The following GALNT13 variants were observed in gnomAD, a reference collection of about 807,000 sequenced individuals.
GALNT13 encodes UDP-GalNAc:polypeptide N-acetylgalactosaminyltransferase 13.
A neutral mutation model predicts 64.2 loss-of-function variants in GALNT13; 28 were observed. The ratio of observed to expected loss-of-function variants is 0.44; its 90% CI spans 0.32 to 0.60. GALNT13 has a LOEUF of 0.60. Among genes scored for constraint, GALNT13 ranks in the 20% least tolerant of loss-of-function variants. The pLI is 0.05. For synonymous variants in GALNT13, 214 were observed against 224.6 expected, an observed-to-expected ratio of 0.95 and a Z score of 0.42; for missense variants, 577 against 669.8, an observed-to-expected ratio of 0.86 and a Z score of 1.53.
the GALNT13 span, among the ~76,000 whole-genome samples, chr2:153,248,735 G>A: frequency 6.8e-6 from 1 of 146,158 alleles, no homozygotes; most frequent in Non-Finnish European, 1.5e-5. Flanking sequence ...ATAATGGCGT[G>A]AACCCAGGAA....
chr2:153,726,232 A>G, the GALNT13 span, among the ~76,000 whole-genome samples: 2 of 152,188 alleles, frequency 1.3e-5, no homozygotes, highest in Non-Finnish European at 2.9e-5. Flanking sequence ...GTTATTCAAA[A>G]TTATAATTTG....
chr2:154,353,118 A>C (rs1477129630), intron 9 of GALNT13, among the ~76,000 whole-genome samples: 1 of 152,164 alleles, frequency 6.6e-6, no homozygotes, highest in East Asian at 1.9e-4. Context: ...AGCTTTTGTC[A>C]AGTGATTTGA....
the GALNT13 span, among the ~76,000 whole-genome samples, chr2:153,780,218 T>C: frequency 3.7e-4 from 1 of 2,672 alleles, no homozygotes; most frequent in East Asian, 1.8e-3. Flanking sequence ...TTTGAAGATA[T>C]ATATATATAT....
the GALNT13 span, among the ~76,000 whole-genome samples, chr2:153,242,595 A>T: frequency 6.6e-6 from 1 of 152,230 alleles, no homozygotes; most frequent in African/African-American, 2.4e-5. Flanking sequence ...TTTTTTAAAG[A>T]GAGCTCTATG....
chr2:153,666,563 GC>G, the GALNT13 span, among the ~76,000 whole-genome samples: 2 of 152,112 alleles, frequency 1.3e-5, no homozygotes, highest in African/African-American at 2.4e-5. Context: ...CTGAGCCTTG[GC>G]CCCCTGAAAT....
intron 3 of GALNT13, among the ~76,000 whole-genome samples, chr2:153,991,828 T>C: frequency 6.6e-6 from 1 of 152,044 alleles, no homozygotes; most frequent in East Asian, 1.9e-4. Context: ...AAGGGGGAAA[T>C]AATATTATCA....
At chr2:153,110,828 A>G in the GALNT13 span, among the ~76,000 whole-genome samples, 1 of 152,156 alleles carries the variant, frequency 6.6e-6, no homozygotes, top group East Asian at 1.9e-4. Context: ...CGGTGAGACT[A>G]TCACACACAC....
chr2:153,188,952 T>C, the GALNT13 span, among the ~76,000 whole-genome samples: 3 of 152,198 alleles, frequency 2.0e-5, no homozygotes, highest in Non-Finnish European at 4.4e-5. Context: ...CAAGCATTTA[T>C]CATTTCTATG....
chr2:154,274,508 G>T (rs1003573399), intron 8 of GALNT13, among the ~76,000 whole-genome samples: 1 of 152,044 alleles, frequency 6.6e-6, no homozygotes, highest in Non-Finnish European at 1.5e-5. Context: ...AAGGGATCCA[G>T]TGGGAAGTAG....
chr2:153,342,744 A>T, the GALNT13 span, among the ~76,000 whole-genome samples: 7 of 152,022 alleles, frequency 4.6e-5, no homozygotes, highest in African/African-American at 1.5e-4. Context: ...ACAGCATTAT[A>T]GATGTCTCAT....
intron 9 of GALNT13, among the ~76,000 whole-genome samples, chr2:154,325,450 C>T (rs1037359897): frequency 1.3e-5 from 2 of 152,052 alleles, no homozygotes; most frequent in African/African-American, 2.4e-5. Flanking sequence ...GAGGTGAGGC[C>T]TTGGAATGGC....
chr2:153,742,316 T>TG, the GALNT13 span, among the ~76,000 whole-genome samples: 1 of 151,682 alleles, frequency 6.6e-6, no homozygotes, highest in Admixed American at 6.6e-5. Context: ...AATTCGTAAA[T>TG]TTTTTTTTAT....
At position 154,450,505 on chromosome 2, in the gene GALNT13, G is replaced by T. The variant is rs777061705; in HGVS notation, c.1625G>T (p.Ser542Ile). ...CCTACAATGCAGGACTGTAGTGGAA[G>T]CAGATCCCAACAGTGGCTGCTAAGG... ...MVPTMQDCSG[S>I]RSQQWLLRNM... is the part of the protein sequence containing the mutation. Residue 542 changes from serine to isoleucine, a missense_variant, in exon 13 of 13, where the codon AGC (serine) becomes ATC (isoleucine). By Grantham distance (142) the Ser-to-Ile change is moderately radical. This residue lies in a region of GALNT13 where 232 missense variants were observed against 270.6 expected (regional missense o/e 0.86). Coordinates refer to ENST00000392825, the MANE Select transcript of GALNT13 (RefSeq NM_052917.4). 1 of 1,612,390 alleles carries T rather than the reference G, an allele frequency of 6.2e-7. No homozygotes were observed. The highest frequency in any genetic ancestry group is 1.7e-5 in the Admixed American group (1 of 59,696).
At chr2:153,531,822 G>A in the GALNT13 span, among the ~76,000 whole-genome samples, 1 of 152,178 alleles carries the variant, frequency 6.6e-6, no homozygotes. Flanking sequence ...CCCCATGCAA[G>A]TCCGAAACCC....
Position 154,450,527 on chromosome 2 carries a change from A to G in GALNT13, c.1647A>G (p.Leu549=). ...CSGSRSQQWL[L]RNMTLGT ...GAAGCAGATCCCAACAGTGGCTGCT[A>G]AGGAACATGACCTTGGGCACATGAA... Residue 549 remains leucine, a synonymous_variant, in exon 13 of 13, where the codon CTA becomes CTG. Coordinates refer to ENST00000392825, the MANE Select transcript of GALNT13 (RefSeq NM_052917.4). 3 of 1,611,108 alleles carry G rather than the reference A, an allele frequency of 1.9e-6. No homozygotes were observed. The highest frequency in any genetic ancestry group is 1.1e-5 in the South Asian group (1 of 90,720).
the GALNT13 span, among the ~76,000 whole-genome samples, chr2:153,566,355 T>TTTTTTTTG: frequency 2.9e-5 from 2 of 68,238 alleles, no homozygotes; most frequent in Admixed American, 1.5e-4. Flanking sequence ...CACGTTTTTT[T>TTTTTTTTG]TTTTTTTTTT....
chr2:153,144,484 C>G, the GALNT13 span, among the ~76,000 whole-genome samples: 1 of 151,800 alleles, frequency 6.6e-6, no homozygotes, highest in African/African-American at 2.4e-5. Context: ...GTAAGTGGCT[C>G]CTCTGATTCT....
the GALNT13 span, among the ~76,000 whole-genome samples, chr2:153,404,938 C>G: frequency 6.6e-6 from 1 of 152,078 alleles, no homozygotes; most frequent in Non-Finnish European, 1.5e-5. Context: ...GGATAGGCTT[C>G]CGGGCAAAGC....
At chr2:153,433,206 G>A in the GALNT13 span, among the ~76,000 whole-genome samples, 1 of 152,226 alleles carries the variant, frequency 6.6e-6, no homozygotes, top group East Asian at 1.9e-4. Flanking sequence ...GATTTCAAAG[G>A]AGAACTTGAA....
Sources: gnomAD v4.1 joint callset for allele counts (sites outside exome capture counted in the v4.1 genomes callset) on GRCh38, gnomAD v4.1.1 for gene constraint, gnomAD v4.1.1 regional missense constraint, MANE v1.5 for transcripts, NCBI Gene and HGNC (gene_info 2026-07-23, HGNC 2026-07-21) for gene names.